The following RASGRF2 variants were observed in gnomAD, a reference collection of about 807,000 sequenced individuals.
The protein encoded by RASGRF2 is ras-specific guanine nucleotide-releasing factor 2.
RASGRF2 carries 76 observed loss-of-function variants against 151.0 expected under a neutral mutation model. The observed-to-expected ratio is 0.50, with a 90% CI of 0.42 to 0.61. The LOEUF (loss-of-function observed/expected upper bound fraction) is 0.61, where lower values mean the gene tolerates loss of function less well. RASGRF2 is among the 20% of genes least tolerant of loss of function. The pLI is 0.00. For missense variants in RASGRF2, 1,148 were observed against 1,564.6 expected (o/e 0.73, Z 4.49); for synonymous variants, 504 against 566.5 (o/e 0.89, Z 1.57).
At chr5:80,978,254 A>ACTCT (rs1748190304) in intron 1 of RASGRF2, among the ~76,000 whole-genome samples, 2 of 152,138 alleles carry the variant, frequency 1.3e-5, no homozygotes, top group African/African-American at 2.4e-5. Context: ...TCCACAGCTT[A>ACTCT]CTCTTTTTTC....
intron 1 of RASGRF2, among the ~76,000 whole-genome samples, chr5:81,039,579 TTAATA>T (rs1392578722): frequency 6.6e-6 from 1 of 152,110 alleles, no homozygotes; most frequent in African/African-American, 2.4e-5. Context: ...CTGGCTGTCA[TTAATA>T]TAAACATCAA....
intron 7 of RASGRF2, among the ~76,000 whole-genome samples, chr5:81,084,397 C>A (rs1752169349): frequency 6.6e-6 from 1 of 152,272 alleles, no homozygotes; most frequent in Non-Finnish European, 1.5e-5. Context: ...TCAAGTGGGA[C>A]AACCCTAAGG....
intron 1 of RASGRF2, among the ~76,000 whole-genome samples, chr5:81,002,116 A>G (rs1276823774): frequency 2.6e-5 from 4 of 152,210 alleles, no homozygotes; most frequent in African/African-American, 9.7e-5. Context: ...TCTATTTTTG[A>G]AAAGGATATC....
At chr5:81,023,003 CTAGGTGG>C (rs1343028354) in intron 1 of RASGRF2, among the ~76,000 whole-genome samples, 1 of 145,162 alleles carries the variant, frequency 6.9e-6, no homozygotes, top group Non-Finnish European at 1.5e-5. Flanking sequence ...TTTGAGGTTC[CTAGGTGG>C]AGCAGCTGTT....
intron 17 of RASGRF2, among the ~76,000 whole-genome samples, chr5:81,158,585 T>C (rs1754313734): frequency 6.6e-6 from 1 of 151,818 alleles, no homozygotes. Flanking sequence ...ATACGAAATA[T>C]ATAAAGAAGT....
At chr5:81,023,623 T>C (rs1749906935) in intron 1 of RASGRF2, among the ~76,000 whole-genome samples, 2 of 152,256 alleles carry the variant, frequency 1.3e-5, no homozygotes, top group Admixed American at 6.5e-5. Flanking sequence ...CATGTAGTTA[T>C]TGTAACTCTT....
At chr5:81,031,778 A>G (rs181793309) in intron 1 of RASGRF2, among the ~76,000 whole-genome samples, 11 of 152,310 alleles carry the variant, frequency 7.2e-5, no homozygotes, top group African/African-American at 2.4e-4. Context: ...AAGCCAGCAG[A>G]AGGCAAAAAA....
chr5:81,163,626 T>C (rs902320541), intron 17 of RASGRF2, among the ~76,000 whole-genome samples: 2 of 152,160 alleles, frequency 1.3e-5, no homozygotes, highest in Non-Finnish European at 2.9e-5. Flanking sequence ...TAGAGGGTTC[T>C]CGTGAGATCC....
chr5:81,217,941 A>G lies in RASGRF2; in HGVS notation c.3552+468A>G, dbSNP rs199692032. 5.3e-5 allele frequency among the ~76,000 whole-genome samples: 8 copies of G among 152,156 alleles called. No homozygotes were observed. In the East Asian group the frequency reaches 1.5e-3, roughly 29 times the overall value. On this transcript the variant is annotated intron_variant, in intron 25 of 26. Coordinates refer to ENST00000265080, the MANE Select transcript of RASGRF2 (RefSeq NM_006909.3). ...GTATTTTTAGTAGAGACGGGGTTTCACTGTGTTAGCTAGGATGGTCTGGAT... is the reference window on the plus strand; with the variant it reads ...GTATTTTTAGTAGAGACGGGGTTTCGCTGTGTTAGCTAGGATGGTCTGGAT...
chr5:81,154,563 A>G (rs1365278324), intron 17 of RASGRF2, among the ~76,000 whole-genome samples: 1 of 152,228 alleles, frequency 6.6e-6, no homozygotes, highest in Non-Finnish European at 1.5e-5. Flanking sequence ...ACATGAAAAT[A>G]TCTCCAAGAT....
intron 1 of RASGRF2, among the ~76,000 whole-genome samples, chr5:80,981,071 C>T (rs571428582): frequency 7.9e-4 from 120 of 152,274 alleles, no homozygotes; most frequent in African/African-American, 2.8e-3. Flanking sequence ...TTTAGAGCTG[C>T]GTATGTATTG....
rs1423750921 is a variant in RASGRF2 at position 81,220,805 on chromosome 5, G to C, written c.3621+1027G>C. Reference sequence around the variant, plus strand: ...TTAACTGAAGACCATCATTTATTCAGATTTCCTTATTTTTTACCTAATATC... The same window carrying C: ...TTAACTGAAGACCATCATTTATTCACATTTCCTTATTTTTTACCTAATATC... On this transcript the variant is annotated intron_variant, in intron 26 of 26. Coordinates refer to ENST00000265080, the MANE Select transcript of RASGRF2 (RefSeq NM_006909.3). Among the ~76,000 whole-genome samples, 4 of 152,174 alleles carry C rather than the reference G, an allele frequency of 2.6e-5. No homozygotes were observed. In the East Asian group the frequency reaches 7.7e-4, roughly 29 times the overall value.
At chr5:81,148,326 G>A (rs911475744) in intron 17 of RASGRF2, among the ~76,000 whole-genome samples, 1 of 152,154 alleles carries the variant, frequency 6.6e-6, no homozygotes, top group Non-Finnish European at 1.5e-5. Context: ...TAATTGGTAT[G>A]CGGCTCTCAC....
chr5:80,999,014 GC>G (rs1748989198), intron 1 of RASGRF2, among the ~76,000 whole-genome samples: 1 of 152,148 alleles, frequency 6.6e-6, no homozygotes, highest in Non-Finnish European at 1.5e-5. Flanking sequence ...ACTTTTGCTA[GC>G]CCCTCGTTAT....
intron 9 of RASGRF2, among the ~76,000 whole-genome samples, chr5:81,090,544 T>G (rs1215274051): frequency 6.6e-6 from 1 of 152,220 alleles, no homozygotes; most frequent in East Asian, 1.9e-4. Context: ...CAAATATGAT[T>G]ATTTCACAAA....
intron 22 of RASGRF2, among the ~76,000 whole-genome samples, chr5:81,212,129 TCAA>T (rs1755642038): frequency 6.6e-6 from 1 of 152,168 alleles, no homozygotes; most frequent in Non-Finnish European, 1.5e-5. Context: ...ATCTCTTCCC[TCAA>T]CAAGCGGGAA....
chr5:81,179,988 G>A (rs1472705893), intron 17 of RASGRF2, among the ~76,000 whole-genome samples, 187 bp from the exon 18 acceptor site: 4 of 152,076 alleles, frequency 2.6e-5, no homozygotes. Context: ...GTAACCGCAC[G>A]AGGGCCTTGC....
intron 17 of RASGRF2, among the ~76,000 whole-genome samples, chr5:81,153,234 A>G (rs977849524): frequency 6.6e-6 from 1 of 152,266 alleles, no homozygotes; most frequent in Non-Finnish European, 1.5e-5. Context: ...ATGTTACCTT[A>G]CATGGCAAAG....
intron 17 of RASGRF2, among the ~76,000 whole-genome samples, chr5:81,130,767 A>G (rs1283213553): frequency 2.0e-5 from 3 of 151,966 alleles, no homozygotes; most frequent in Non-Finnish European, 4.4e-5. Flanking sequence ...AGCAGAAGAA[A>G]GATTGCATAG....
Sources: gnomAD v4.1 joint callset for allele counts (sites outside exome capture counted in the v4.1 genomes callset) on GRCh38, gnomAD v4.1.1 for gene constraint, MANE v1.5 for transcripts, NCBI Gene and HGNC (gene_info 2026-07-23, HGNC 2026-07-21) for gene names.